RBFOX1: variants seen among roughly 807,000 people sequenced by gnomAD.
RBFOX1 encodes RNA binding protein fox-1 homolog 1.
Under a neutral mutation model 57.7 loss-of-function variants are expected in RBFOX1, and 8 were observed. The ratio of observed to expected loss-of-function variants is 0.14; its 90% CI spans 0.08 to 0.25. The LOEUF is 0.25. Ranked by LOEUF, RBFOX1 falls within the 10% of genes least tolerant of loss-of-function variation. The pLI is 1.00. For synonymous variants in RBFOX1, 326 were observed against 222.4 expected (o/e 1.47, Z -4.15); for missense variants, 611 against 548.5 (o/e 1.11, Z -1.14).
intron 2 of RBFOX1, among the ~76,000 whole-genome samples, chr16:6,351,372 A>ATATTTTTT (rs1199701253): frequency 2.3e-5 from 2 of 86,430 alleles, no homozygotes; most frequent in Admixed American, 1.4e-4. Flanking sequence ...ATATATATAT[A>ATATTTTTT]TTTTTTTTTT....
At chr16:7,234,655 T>C (rs1472951075) in intron 4 of RBFOX1, among the ~76,000 whole-genome samples, 1 of 138,576 alleles carries the variant, frequency 7.2e-6, no homozygotes, top group Non-Finnish European at 1.5e-5. Context: ...TGTTTGTGTG[T>C]ATGTATATAT....
chr16:7,154,440 A>G (rs62017092), intron 4 of RBFOX1, among the ~76,000 whole-genome samples: 32,722 of 152,174 alleles, frequency 0.22, 3,832 homozygotes, highest in African/African-American at 0.3. Flanking sequence ...ACAGAAGGAC[A>G]ATAGATCTTT....
intron 3 of RBFOX1, among the ~76,000 whole-genome samples, chr16:6,693,092 C>G (rs117535707): frequency 2.2e-5 from 1 of 46,200 alleles, no homozygotes; most frequent in East Asian, 3.7e-4. Flanking sequence ...CCATCACAAC[C>G]ATCATCATCA....
intron 1 of RBFOX1, among the ~76,000 whole-genome samples, chr16:5,370,976 TG>T (rs2065843284): frequency 6.6e-6 from 1 of 152,214 alleles, no homozygotes; most frequent in African/African-American, 2.4e-5. Context: ...TTAGATGGAT[TG>T]TTGCTCTTTC....
intron 4 of RBFOX1, among the ~76,000 whole-genome samples, chr16:7,386,634 G>A (rs1192002726): frequency 3.3e-5 from 5 of 152,036 alleles, no homozygotes; most frequent in South Asian, 2.1e-4. Context: ...TCATTGATGG[G>A]CATTTGGGTT....
chr16:7,446,709 C>G (rs955861012), intron 4 of RBFOX1, among the ~76,000 whole-genome samples: 2 of 151,120 alleles, frequency 1.3e-5, no homozygotes, highest in African/African-American at 4.9e-5. Context: ...ACACCAGAAA[C>G]CCCAGAATTT....
chr16:6,987,929 C>G (rs1401439865), intron 3 of RBFOX1, among the ~76,000 whole-genome samples: 2 of 152,032 alleles, frequency 1.3e-5, no homozygotes, highest in South Asian at 4.2e-4. Flanking sequence ...GGAATGAGAT[C>G]CCACAGGAAA....
chr16:6,585,489 C>T (rs1364207293), intron 2 of RBFOX1, among the ~76,000 whole-genome samples: 1 of 152,186 alleles, frequency 6.6e-6, no homozygotes, highest in Non-Finnish European at 1.5e-5. Flanking sequence ...ATTCAAAAGA[C>T]ATGTTTCAAG....
chr16:6,892,980 T>C (rs2065888133), intron 3 of RBFOX1, among the ~76,000 whole-genome samples: 1 of 152,152 alleles, frequency 6.6e-6, no homozygotes, highest in African/African-American at 2.4e-5. Flanking sequence ...AGTTTTACTT[T>C]TAATTGCAAA....
At chr16:7,710,300 T>G in intron 15 of RBFOX1, 1 of 1,151,496 alleles carries the variant, frequency 8.7e-7, no homozygotes, top group Non-Finnish European at 1.1e-6. Flanking sequence ...CTGGTCCAAA[T>G]TCAACCTCAA....
chr16:7,316,963 AACACACACACACACACACACACAAAC>A (rs3221274), intron 4 of RBFOX1, among the ~76,000 whole-genome samples: 2 of 146,886 alleles, frequency 1.4e-5, no homozygotes, highest in African/African-American at 2.5e-5. Flanking sequence ...AAGAAGACAG[AACACACACACACACACACACACAAAC>A]ACACACACAC....
intron 1 of RBFOX1, among the ~76,000 whole-genome samples, chr16:6,209,107 A>G (rs1158110469): frequency 1.3e-5 from 2 of 152,236 alleles, no homozygotes; most frequent in Non-Finnish European, 2.9e-5. Flanking sequence ...CATAGAAAGC[A>G]GGACAAACCT....
intron 4 of RBFOX1, among the ~76,000 whole-genome samples, chr16:5,983,079 G>C (rs1281436567): frequency 6.6e-6 from 1 of 152,170 alleles, no homozygotes; most frequent in African/African-American, 2.4e-5. Context: ...ACTCAAGAGT[G>C]AGTGCGACTT....
At chr16:6,752,925 T>C (rs1211936318) in intron 3 of RBFOX1, among the ~76,000 whole-genome samples, 4 of 152,156 alleles carry the variant, frequency 2.6e-5, no homozygotes, top group Non-Finnish European at 4.4e-5. Flanking sequence ...GGCAATATGT[T>C]TATACGGTGT....
chr16:6,368,417 A>T (rs1237051706), intron 2 of RBFOX1, among the ~76,000 whole-genome samples: 9 of 152,160 alleles, frequency 5.9e-5, no homozygotes, highest in Admixed American at 5.9e-4. Flanking sequence ...AAAATGCTGC[A>T]GCTTTGATTT....
intron 4 of RBFOX1, among the ~76,000 whole-genome samples, chr16:7,263,881 CAA>C (rs1172703287): frequency 1.5e-5 from 2 of 132,592 alleles, no homozygotes; most frequent in African/African-American, 5.7e-5. Flanking sequence ...GCCTGGGCAA[CAA>C]GAGCAAAACT....
intron 4 of RBFOX1, among the ~76,000 whole-genome samples, chr16:7,223,271 C>T (rs2092863552): frequency 6.6e-6 from 1 of 152,128 alleles, no homozygotes; most frequent in South Asian, 2.1e-4. Context: ...CTGCATAGGT[C>T]CAGGTGAAAC....
chr16:5,533,857 C>T (rs940101910), intron 2 of RBFOX1, among the ~76,000 whole-genome samples: 11 of 152,104 alleles, frequency 7.2e-5, no homozygotes, highest in Admixed American at 2.0e-4. Flanking sequence ...ATTACCTTCT[C>T]CCAAAGAGAG....
chr16:7,627,801 A>T (rs1039082955), intron 10 of RBFOX1, among the ~76,000 whole-genome samples: 4 of 152,258 alleles, frequency 2.6e-5, no homozygotes, highest in Non-Finnish European at 5.9e-5. Context: ...CTAAGGGAAC[A>T]TACAGTAAGT....
Sources: gnomAD v4.1 joint callset for allele counts (sites outside exome capture counted in the v4.1 genomes callset) on GRCh38, gnomAD v4.1.1 for gene constraint, MANE v1.5 for transcripts, NCBI Gene and HGNC (gene_info 2026-07-23, HGNC 2026-07-21) for gene names.